The following BCKDHB variants were observed in gnomAD, a reference collection of about 807,000 sequenced individuals.
BCKDHB encodes 2-oxoisovalerate dehydrogenase subunit beta, mitochondrial.
A neutral mutation model predicts 48.5 loss-of-function variants in BCKDHB; 41 were observed. The ratio of observed to expected loss-of-function variants is 0.85; its 90% CI spans 0.66 to 1.10. BCKDHB has a LOEUF of 1.10. Among genes scored for constraint, BCKDHB ranks in the 50% least tolerant of loss-of-function variants. The pLI, the probability that BCKDHB is intolerant of heterozygous loss-of-function variation, is 0.00. For synonymous variants in BCKDHB, 201 were observed against 174.8 expected, an observed-to-expected ratio of 1.15 and a Z score of -1.18; for missense variants, 496 against 494.2, an observed-to-expected ratio of 1.00 and a Z score of -0.03.
intron 2 of BCKDHB, 59 bp downstream of exon 2, chr6:80,127,683 G>A: frequency 2.1e-6 from 3 of 1,441,186 alleles, no homozygotes; most frequent in East Asian, 2.3e-5. Flanking sequence ...TTGAAGATTT[G>A]CTTAAAATAT....
At chr6:80,409,107 T>C in the BCKDHB span, among the ~76,000 whole-genome samples, 1 of 152,194 alleles carries the variant, frequency 6.6e-6, no homozygotes, top group African/African-American at 2.4e-5. Context: ...AACATCTTTA[T>C]TTCTGCTTTC....
chr6:80,303,052 A>C (rs1767665917), intron 9 of BCKDHB, among the ~76,000 whole-genome samples: 1 of 152,150 alleles, frequency 6.6e-6, no homozygotes, highest in Non-Finnish European at 1.5e-5. Flanking sequence ...TGATTTATTA[A>C]AAGTAGGAAG....
the BCKDHB span, among the ~76,000 whole-genome samples, chr6:80,461,666 T>C: frequency 1.3e-5 from 2 of 152,186 alleles, no homozygotes; most frequent in Non-Finnish European, 2.9e-5. Context: ...ATCTTTCCTC[T>C]TGTACTCTAC....
At chr6:80,420,459 G>A in the BCKDHB span, among the ~76,000 whole-genome samples, 4 of 152,144 alleles carry the variant, frequency 2.6e-5, no homozygotes, top group Admixed American at 1.3e-4. Flanking sequence ...AGAGCATCCT[G>A]TTTAGCTTCC....
chr6:80,273,217 T>G lies in BCKDHB; in HGVS notation c.1034T>G (p.Val345Gly). 1 of 1,612,856 alleles carries G rather than the reference T, an allele frequency of 6.2e-7. No homozygotes were observed. The highest frequency in any genetic ancestry group is 8.5e-7 in the Non-Finnish European group (1 of 1,179,076). The change falls in exon 9 of 10, where the codon GTT (valine) becomes GGT (glycine). Residue 345 changes from valine to glycine, a missense_variant. Physicochemically the swap from Val to Gly is moderately radical, Grantham distance 109. Coordinates refer to ENST00000320393, the MANE Select transcript of BCKDHB (RefSeq NM_183050.4). ...TTTGCATCGGAAATCAGCTCTACAG[T>G]TCAGGTAGAGTAATTTTTGGAACTG... is the stretch of plus-strand genomic sequence containing the variant. ...GGFASEISST[V>G]QEECFLNLEA...
At chr6:80,212,372 G>A (rs953247961) in intron 8 of BCKDHB, among the ~76,000 whole-genome samples, 1 of 152,042 alleles carries the variant, frequency 6.6e-6, no homozygotes, top group Non-Finnish European at 1.5e-5. Flanking sequence ...TTCCTTAAAA[G>A]AATTTAGCGA....
intron 3 of BCKDHB, among the ~76,000 whole-genome samples, chr6:80,144,415 A>G (rs1771370466): frequency 6.6e-6 from 1 of 152,160 alleles, no homozygotes; most frequent in Non-Finnish European, 1.5e-5. Context: ...TCTGATTACA[A>G]TGCATAACTG....
At chr6:80,309,249 A>G (rs1768036482) in intron 9 of BCKDHB, among the ~76,000 whole-genome samples, 1 of 151,824 alleles carries the variant, frequency 6.6e-6, no homozygotes, top group Admixed American at 6.6e-5. Flanking sequence ...TTTTTAGTAG[A>G]GACAGGGGTT....
chr6:80,415,499 A>C, the BCKDHB span, among the ~76,000 whole-genome samples: 1 of 152,292 alleles, frequency 6.6e-6, no homozygotes, highest in Admixed American at 6.5e-5. Flanking sequence ...GAATTTTATC[A>C]AAAGCCTTTT....
rs548487766 is a variant in BCKDHB at position 80,233,120 on chromosome 6, A to G, written c.951+29908A>G. Among the ~76,000 whole-genome samples the G allele has an allele frequency of 2.6e-5, 4 of 152,244 alleles. No individual in the cohort carries two copies. The East Asian group carries it at 7.7e-4, about 29-fold the overall frequency. On this transcript the variant is annotated intron_variant, in intron 8 of 9. Transcript: ENST00000320393. ...TATGCTTGTTTTTATATTTTCAGGT[A>G]TGAAAGACTTTTTTGGACTTAATCA...
At chr6:80,227,437 T>G (rs1775725557) in intron 8 of BCKDHB, among the ~76,000 whole-genome samples, 1 of 152,202 alleles carries the variant, frequency 6.6e-6, no homozygotes, top group African/African-American at 2.4e-5. Flanking sequence ...TCTTTAGGGC[T>G]TTTTTACTTT....
chr6:80,269,226 G>A (rs667097), intron 8 of BCKDHB, among the ~76,000 whole-genome samples: 46,093 of 151,914 alleles, frequency 0.3, 7,561 homozygotes, highest in Non-Finnish European at 0.38. Context: ...ACAAGTTTAG[G>A]GTTCCAGCAG....
At chr6:80,115,429 A>C (rs1298884320) in intron 1 of BCKDHB, among the ~76,000 whole-genome samples, 1 of 152,196 alleles carries the variant, frequency 6.6e-6, no homozygotes, top group African/African-American at 2.4e-5. Flanking sequence ...ATAGAGGTAC[A>C]TACCTGGTCA....
chr6:80,209,662 A>G (rs916145178), intron 8 of BCKDHB, among the ~76,000 whole-genome samples: 3 of 152,000 alleles, frequency 2.0e-5, no homozygotes, highest in African/African-American at 4.8e-5. Flanking sequence ...CCACACAAGC[A>G]TCAGTTACAG....
intron 9 of BCKDHB, among the ~76,000 whole-genome samples, chr6:80,336,110 A>G (rs371252460): frequency 6.6e-6 from 1 of 152,006 alleles, no homozygotes; most frequent in Admixed American, 6.5e-5. Context: ...ATAGTAATTC[A>G]TATTCTTAAA....
At position 80,345,698 on chromosome 6, in the gene BCKDHB, C is replaced by G. The variant is rs1316459287; in HGVS notation, c.*1894C>G. 6.6e-6 allele frequency: 1 copy of G among 152,208 alleles called. No individual in the cohort carries two copies. Among genetic ancestry groups the G allele is most frequent in the African/African-American group, 2.4e-5 (1 of 41,454 alleles). 9.4% of individuals were successfully genotyped at this position (152,208 alleles called of 1,614,324 possible). On this transcript the variant is annotated 3_prime_UTR_variant, in exon 10 of 10. Transcript: ENST00000320393. ...CTTAGAGCTGGTTAGAGGACTCCTT[C>G]ACTTTTGTTGTCCATGTGGTTCCCT... is the stretch of plus-strand genomic sequence containing the variant.
At chr6:80,326,461 C>G (rs574207187) in intron 9 of BCKDHB, among the ~76,000 whole-genome samples, 9 of 152,288 alleles carry the variant, frequency 5.9e-5, no homozygotes, top group African/African-American at 1.4e-4. Flanking sequence ...AGCAAGAAAA[C>G]TGATTTTTCT....
chr6:80,322,957 A>C (rs1157828606), intron 9 of BCKDHB, among the ~76,000 whole-genome samples: 1 of 143,428 alleles, frequency 7.0e-6, no homozygotes, highest in Middle Eastern at 3.7e-3. Flanking sequence ...TTTTTTAACT[A>C]ATCTTGATGA....
intron 3 of BCKDHB, among the ~76,000 whole-genome samples, chr6:80,155,833 AAAG>A (rs1772013479): frequency 6.7e-6 from 1 of 148,742 alleles, no homozygotes; most frequent in East Asian, 1.9e-4. Context: ...ATAATAATGC[AAAG>A]TTGTTTTTTT....
Sources: gnomAD v4.1 joint callset for allele counts (sites outside exome capture counted in the v4.1 genomes callset) on GRCh38, gnomAD v4.1.1 for gene constraint, MANE v1.5 for transcripts, NCBI Gene and HGNC (gene_info 2026-07-23, HGNC 2026-07-21) for gene names.